The following RECQL variants were observed in gnomAD, a reference collection of about 807,000 sequenced individuals.
RECQL encodes RecQ like helicase, also known as ATP-dependent DNA helicase Q1.
A neutral mutation model predicts 75.8 loss-of-function variants in RECQL; 73 were observed. The observed-to-expected ratio is 0.96, with a 90% CI of 0.80 to 1.17. The LOEUF (loss-of-function observed/expected upper bound fraction) is 1.17, where lower values mean the gene tolerates loss of function less well. Ranked by LOEUF, RECQL falls within the 50% of genes most tolerant of loss-of-function variation. The probability of loss-of-function intolerance (pLI) is 0.00; values close to 1 mark genes in which losing one functional copy is unlikely to be tolerated. For synonymous variants in RECQL, 248 were observed against 254.4 expected (o/e 0.97, Z 0.24); for missense variants, 699 against 772.1 (o/e 0.91, Z 1.12).
rs747152954 is a variant in RECQL, at chr12:21,475,736, G to T, written c.1038C>A (p.Ala346=). ...TGGTCTTATCTTCTGGCTCCAAATT[G>T]GCATGGTAAGCACCTGCATGAATTC... The part of the protein sequence containing the change: ...NLGIHAGAYH[A]NLEPEDKTTV... The change falls in exon 9 of 15, where the codon GCC becomes GCA. Residue 346 remains alanine (A), a synonymous_variant. Coordinates refer to ENST00000444129, the MANE Select transcript of RECQL (RefSeq NM_002907.4). The T allele has an allele frequency of 6.2e-7, 1 of 1,613,238 alleles. No homozygotes were observed. The highest frequency in any genetic ancestry group is 1.1e-5 in the South Asian group (1 of 91,048).
At chr12:21,488,643 T>C (rs1290321367) in intron 4 of RECQL, among the ~76,000 whole-genome samples, 1 of 152,158 alleles carries the variant, frequency 6.6e-6, no homozygotes, top group African/African-American at 2.4e-5. Flanking sequence ...GTGAAGAACC[T>C]CACCACTTGT....
Position 21,490,379 on chromosome 12 carries a change from C to A in RECQL, c.215-1G>T. The A allele has an allele frequency of 6.3e-7, 1 of 1,599,616 alleles. No individual in the cohort carries two copies. The highest frequency in any genetic ancestry group is 8.5e-7 in the Non-Finnish European group (1 of 1,169,600). On this transcript the variant is annotated splice_acceptor_variant, in intron 3 of 14. Coordinates refer to ENST00000444129, the MANE Select transcript of RECQL (RefSeq NM_002907.4). LOFTEE classifies it high-confidence loss of function. Reference sequence around the variant, plus strand: ...TTAACTTTACCAGACCATGGAAAATCTAGGAAAAGAAAGTTAAGAATCAGA... The same window carrying A: ...TTAACTTTACCAGACCATGGAAAATATAGGAAAAGAAAGTTAAGAATCAGA...
rs1474736833 is a variant in RECQL at position 21,483,392 on chromosome 12, T to C, written c.684A>G (p.Gly228=). ...CATACATACCAGGTCTGAAATCATG[T>C]CCCCACTGACTACAGCAGTGAACTT... The part of the protein sequence containing the change: ...VDEVHCCSQW[G]HDFRPDYKAL... Residue 228 remains glycine, a synonymous_variant, in exon 6 of 15, where the codon GGA becomes GGG. Transcript: ENST00000444129. 21 of 1,601,740 alleles carry C rather than the reference T, an allele frequency of 1.3e-5. No individual in the cohort carries two copies. Among genetic ancestry groups the C allele is most frequent in the Non-Finnish European group, 1.7e-5 (20 of 1,176,080 alleles).
chr12:21,496,479 C>A (rs190487252), intron 2 of RECQL, among the ~76,000 whole-genome samples: 147 of 152,328 alleles, frequency 9.7e-4, no homozygotes, highest in African/African-American at 3.0e-3. Context: ...CTAATCTAGG[C>A]TGCAGGGATC....
Position 21,476,934 on chromosome 12 carries a change from T to C in RECQL, c.926A>G (p.Asn309Ser), listed in dbSNP as rs1472352564. 2 of 1,609,498 alleles carry C rather than the reference T, an allele frequency of 1.2e-6. No individual in the cohort carries two copies. Among genetic ancestry groups the C allele is most frequent in the Non-Finnish European group, 1.7e-6 (2 of 1,178,030 alleles). Residue 309 changes from asparagine to serine, a missense_variant, in exon 8 of 15, where the codon AAT becomes AGT. This residue lies in a region of RECQL where 669 missense variants were observed against 713.5 expected (regional missense o/e 0.94). Transcript: ENST00000444129. ...DFIEDIVKLI[N>S]GRYKGQSGII... ...ACCTGATTGCCCTTTGTATCTCCCA[T>C]TAATGAGCTTTACAATATCCTCAAT...
At chr12:21,478,522 T>G (rs74069239) in intron 6 of RECQL, among the ~76,000 whole-genome samples, 63 of 152,252 alleles carry the variant, frequency 4.1e-4, no homozygotes, top group African/African-American at 1.4e-3. Flanking sequence ...ATACTTGAGT[T>G]GTGTCTTAAG....
Position 21,471,610 on chromosome 12 carries a change from A to G in RECQL, c.1485T>C (p.Asp495=). The G allele has an allele frequency of 1.2e-6, 2 of 1,612,842 alleles. No individual in the cohort carries two copies. The highest frequency in any genetic ancestry group is 1.7e-6 in the Non-Finnish European group (2 of 1,179,172). The change falls in exon 13 of 15, where the codon GAT becomes GAC. Residue 495 remains aspartate (D), a synonymous_variant. Coordinates refer to ENST00000444129, the MANE Select transcript of RECQL (RefSeq NM_002907.4). The stretch of plus-strand genomic sequence containing the variant: ...CTGCCTGCTTCAGGATCTTGATTAG[A>G]TCTCTGCAGTACTCTGTTATGTTCT... ...ERKNITEYCR[D]LIKILKQAEE...
intron 1 of RECQL, among the ~76,000 whole-genome samples, chr12:21,500,900 G>A (rs1268879598): frequency 6.6e-6 from 1 of 152,136 alleles, no homozygotes; most frequent in African/African-American, 2.4e-5. Flanking sequence ...TGATTTAACA[G>A]CAAAAGATAT....
At position 21,470,111 on chromosome 12, in the gene RECQL, T is replaced by C. The variant is rs1565559420; in HGVS notation, c.*83A>G. 2 of 1,431,206 alleles carry C rather than the reference T, an allele frequency of 1.4e-6. No individual in the cohort carries two copies. Among genetic ancestry groups the C allele is most frequent in the South Asian group, 1.3e-5 (1 of 76,482 alleles). The allele number at this position is 1,431,206 out of a possible 1,614,324, so 88.7% of individuals were successfully genotyped here. A position where few individuals can be genotyped will look rare whatever the true frequency, so the allele number is the denominator to read the frequency against. On this transcript the variant is annotated 3_prime_UTR_variant, in exon 15 of 15. Coordinates refer to ENST00000444129, the MANE Select transcript of RECQL (RefSeq NM_002907.4). Reference sequence around the variant, plus strand: ...CATATAAAATATCTATGAAATTCTTTTAAAAACTATTGTCTAACTACAAAA... The same window carrying C: ...CATATAAAATATCTATGAAATTCTTCTAAAAACTATTGTCTAACTACAAAA...
At position 21,471,421 on chromosome 12, in the gene RECQL, T is replaced by G; in HGVS notation, c.1667+7A>C. On this transcript the variant is annotated splice_region_variant and intron_variant, in intron 13 of 14. Transcript: ENST00000444129. The stretch of plus-strand genomic sequence containing the variant: ...CCTGAAAGAATAATGAATGAGTTTG[T>G]ACATACTTAAGATACTGCTGTATTA... 1 of 1,605,620 alleles carries G rather than the reference T, an allele frequency of 6.2e-7. No individual in the cohort carries two copies. The highest frequency in any genetic ancestry group is 8.5e-7 in the Non-Finnish European group (1 of 1,174,352).
At position 21,475,736 on chromosome 12, in the gene RECQL, G is replaced by A. The variant is rs747152954; in HGVS notation, c.1038C>T (p.Ala346=). 2.5e-6 allele frequency: 4 copies of A among 1,613,356 alleles called. No individual in the cohort carries two copies. The highest frequency in any genetic ancestry group is 1.1e-5 in the South Asian group (1 of 91,044). Residue 346 remains alanine, a synonymous_variant, in exon 9 of 15, where the codon GCC becomes GCT. Coordinates refer to ENST00000444129, the MANE Select transcript of RECQL (RefSeq NM_002907.4). ...TGGTCTTATCTTCTGGCTCCAAATT[G>A]GCATGGTAAGCACCTGCATGAATTC... ...NLGIHAGAYH[A]NLEPEDKTTV... is the part of the protein sequence containing the mutation.
At chr12:21,492,705 T>C (rs1943436020) in intron 2 of RECQL, among the ~76,000 whole-genome samples, 1 of 152,180 alleles carries the variant, frequency 6.6e-6, no homozygotes, top group Admixed American at 6.5e-5. Context: ...ACTCATGATA[T>C]TAGGAAACTG....
Position 21,471,591 on chromosome 12 carries a change from G to C in RECQL, c.1504C>G (p.Gln502Glu). ...YCRDLIKILK[Q>E]AEELNEKLTP... The stretch of plus-strand genomic sequence containing the variant: ...AGTTTTTCATTCAGTTCCTCTGCCT[G>C]CTTCAGGATCTTGATTAGATCTCTG... Residue 502 changes from glutamine (Q) to glutamate (E), a missense_variant, in exon 13 of 15, where the codon CAG becomes GAG. By Grantham distance (29) the Gln-to-Glu change is conservative. Transcript: ENST00000444129. 6.2e-7 allele frequency: 1 copy of C among 1,612,694 alleles called. No homozygotes were observed. The highest frequency in any genetic ancestry group is 8.5e-7 in the Non-Finnish European group (1 of 1,179,216).
At position 21,488,508 on chromosome 12, in the gene RECQL, C is replaced by T. The variant is rs568534226; in HGVS notation, c.394+1691G>A. ...ACCAGGCTTTAGACACAAACATCCT[C>T]CTACTCATAGGACAATTCCACCTGG... On this transcript the variant is annotated intron_variant, in intron 4 of 14. Transcript: ENST00000444129. Among the ~76,000 whole-genome samples the T allele has an allele frequency of 9.2e-5, 14 of 152,298 alleles. No individual in the cohort carries two copies. The South Asian group carries it at 2.9e-3, about 32-fold the overall frequency.
chr12:21,470,439 C>G (rs961419045), intron 14 of RECQL, 93 bp from the exon 15 acceptor site: 2 of 1,349,398 alleles, frequency 1.5e-6, no homozygotes, highest in Admixed American at 6.2e-5. Flanking sequence ...AATATTCTTT[C>G]TGTATCAGTT....
intron 1 of RECQL, 117 bp from the exon 2 acceptor site, chr12:21,499,732 T>C (rs1943571491): frequency 3.6e-6 from 2 of 548,954 alleles, no homozygotes; most frequent in Non-Finnish European, 6.5e-6. Context: ...GTAAATTATA[T>C]ATTGCAGTGA....
At chr12:21,487,190 T>G (rs916821308) in intron 4 of RECQL, among the ~76,000 whole-genome samples, 2 of 152,244 alleles carry the variant, frequency 1.3e-5, no homozygotes, top group Admixed American at 6.5e-5. Flanking sequence ...GCTATCGTTT[T>G]AAATAATCAC....
Position 21,469,339 on chromosome 12 carries a change from T to C in RECQL, c.*855A>G, listed in dbSNP as rs1658599124. 1 of 152,182 alleles carries C rather than the reference T, an allele frequency of 6.6e-6. No individual in the cohort carries two copies. Among genetic ancestry groups the C allele is most frequent in the African/African-American group, 2.4e-5 (1 of 41,416 alleles). The allele number at this position is 152,182 out of a possible 1,614,324, so 9.4% of individuals were successfully genotyped here. ...CTTTGAATGCAGCCCAACACAAATC[T>C]GTAAACTTTCTTAAAACATGAGATT... is the stretch of plus-strand genomic sequence containing the variant. On this transcript the variant is annotated 3_prime_UTR_variant, in exon 15 of 15. Transcript: ENST00000444129.
intron 2 of RECQL, among the ~76,000 whole-genome samples, chr12:21,499,158 T>G (rs1402787692): frequency 6.6e-6 from 1 of 152,168 alleles, no homozygotes; most frequent in African/African-American, 2.4e-5. Flanking sequence ...AGGTAAAAAT[T>G]AGACACAAAA....
Sources: gnomAD v4.1 joint callset for allele counts (sites outside exome capture counted in the v4.1 genomes callset) on GRCh38, gnomAD v4.1.1 for gene constraint, gnomAD v4.1.1 regional missense constraint, MANE v1.5 for transcripts, NCBI Gene and HGNC (gene_info 2026-07-23, HGNC 2026-07-21) for gene names.